The following SLC2A13 variants were observed in gnomAD, a reference collection of about 807,000 sequenced individuals.
SLC2A13 encodes solute carrier family 2 member 13.
A neutral mutation model predicts 64.4 loss-of-function variants in SLC2A13; 32 were observed. The observed-to-expected ratio is 0.50, with a 90% CI of 0.37 to 0.67. The LOEUF (loss-of-function observed/expected upper bound fraction) is 0.67. Ranked by LOEUF, SLC2A13 falls within the 30% of genes least tolerant of loss-of-function variation. The pLI is 0.00. For synonymous variants in SLC2A13, 338 were observed against 327.1 expected (o/e 1.03, Z -0.36); for missense variants, 743 against 829.2 (o/e 0.90, Z 1.28).
At chr12:39,997,945 T>C (rs1000424983) in intron 3 of SLC2A13, among the ~76,000 whole-genome samples, 1 of 152,170 alleles carries the variant, frequency 6.6e-6, no homozygotes, top group African/African-American at 2.4e-5. Flanking sequence ...GTACAACCAC[T>C]ATGGAAAGCC....
At chr12:39,837,920 G>A (rs1943064517) in intron 6 of SLC2A13, among the ~76,000 whole-genome samples, 1 of 151,018 alleles carries the variant, frequency 6.6e-6, no homozygotes, top group South Asian at 2.1e-4. Context: ...AACCATTGTG[G>A]AAGTCAGTGT....
At position 39,951,313 on chromosome 12, in the gene SLC2A13, T is replaced by C. The variant is rs773996285; in HGVS notation, c.978A>G (p.Leu326=). Residue 326 remains leucine (L), a synonymous_variant, in exon 4 of 10, where the codon TTA becomes TTG. Coordinates refer to ENST00000280871, the MANE Select transcript of SLC2A13 (RefSeq NM_052885.4). Reference sequence around the variant, plus strand: ...ACATTTGTAGGCCACAACCCACAATTAAAGCTCGGCGAGTTGGGGGATAAC... The same window carrying C: ...ACATTTGTAGGCCACAACCCACAATCAAAGCTCGGCGAGTTGGGGGATAAC... The part of the protein sequence containing the change: ...MLSYPPTRRA[L]IVGCGLQMFQ... 4 of 1,612,476 alleles carry C rather than the reference T, an allele frequency of 2.5e-6. No homozygotes were observed. The Admixed American group carries it at 6.7e-5, about 27-fold the overall frequency.
At chr12:40,077,113 C>T (rs1161124645) in intron 1 of SLC2A13, among the ~76,000 whole-genome samples, 2 of 152,108 alleles carry the variant, frequency 1.3e-5, no homozygotes, top group African/African-American at 4.8e-5. Flanking sequence ...TGTCTGTTTA[C>T]TCACACTAGT....
chr12:39,800,338 C>G (rs1026212786), intron 7 of SLC2A13, among the ~76,000 whole-genome samples: 1 of 152,080 alleles, frequency 6.6e-6, no homozygotes, highest in Admixed American at 6.6e-5. Context: ...GAATTCGCAA[C>G]CTACTCATCT....
rs1388687389 is a variant in SLC2A13, at chr12:40,105,863, C to T, written c.-55G>A. 2 of 1,336,104 alleles carry T rather than the reference C, an allele frequency of 1.5e-6. No homozygotes were observed. The highest frequency in any genetic ancestry group is 3.1e-5 in the African/African-American group (2 of 65,072). 82.8% of individuals were successfully genotyped at this position (1,336,104 alleles called of 1,614,324 possible). A position where few individuals can be genotyped will look rare whatever the true frequency, so the allele number is the denominator to read the frequency against. ...ACGCGGCTCCGCGGGCCGGCAGTCTCGGCGAGCTAGACAGCCCGAGCCGGC... is the reference window on the plus strand; with the variant it reads ...ACGCGGCTCCGCGGGCCGGCAGTCTTGGCGAGCTAGACAGCCCGAGCCGGC... On this transcript the variant is annotated 5_prime_UTR_variant, in exon 1 of 10. Coordinates refer to ENST00000280871, the MANE Select transcript of SLC2A13 (RefSeq NM_052885.4). The surrounding 1 kb of genome is among the most constrained non-coding windows in gnomAD (Gnocchi z 4.2).
At chr12:39,962,354 G>A (rs1246888691) in intron 3 of SLC2A13, among the ~76,000 whole-genome samples, 2 of 152,092 alleles carry the variant, frequency 1.3e-5, no homozygotes, top group Admixed American at 6.5e-5. Context: ...GCCTCCCAGT[G>A]TGCTGGGATT....
chr12:39,782,158 C>T (rs1302264409), intron 7 of SLC2A13, among the ~76,000 whole-genome samples: 1 of 152,122 alleles, frequency 6.6e-6, no homozygotes, highest in African/African-American at 2.4e-5. Context: ...GGAAGTCTTG[C>T]TATGCTTTTA....
intron 7 of SLC2A13, among the ~76,000 whole-genome samples, chr12:39,783,087 T>C (rs1941055658): frequency 6.6e-6 from 1 of 152,164 alleles, no homozygotes; most frequent in Non-Finnish European, 1.5e-5. Flanking sequence ...GTTCTCATCG[T>C]TCAAGTCCCA....
intron 3 of SLC2A13, among the ~76,000 whole-genome samples, chr12:39,953,891 G>A (rs1376830190): frequency 6.6e-6 from 1 of 152,166 alleles, no homozygotes; most frequent in Non-Finnish European, 1.5e-5. Flanking sequence ...GGATGAAAAA[G>A]AGTCCCACAA....
In SLC2A13 at chr12:39,831,812, C is replaced by T. The variant is rs73274638; in HGVS notation, c.1320-1584G>A. On this transcript the variant is annotated intron_variant, in intron 6 of 9. Transcript: ENST00000280871. ...TTTCACTATGTGAGGTGGCTGTTCCCCCTTAGCCTTCTACCATAAGCTTCC... is the reference window on the plus strand; with the variant it reads ...TTTCACTATGTGAGGTGGCTGTTCCTCCTTAGCCTTCTACCATAAGCTTCC... Among the ~76,000 whole-genome samples the T allele has an allele frequency of 6.6e-3, 1,005 of 152,168 alleles. 10 individuals are homozygous for T. Among genetic ancestry groups the T allele is most frequent in the African/African-American group, 0.023 (962 of 41,546 alleles).
intron 7 of SLC2A13, among the ~76,000 whole-genome samples, chr12:39,774,847 C>G (rs1330327452): frequency 6.6e-6 from 1 of 151,848 alleles, no homozygotes; most frequent in Non-Finnish European, 1.5e-5. Flanking sequence ...CTTATATACC[C>G]CAAGTATGCA....
chr12:40,069,210 C>A (rs540745311), intron 1 of SLC2A13, among the ~76,000 whole-genome samples: 18 of 152,018 alleles, frequency 1.2e-4, no homozygotes, highest in Non-Finnish European at 2.1e-4. Context: ...GATAAAAATA[C>A]AATGTATCTA....
intron 7 of SLC2A13, among the ~76,000 whole-genome samples, chr12:39,799,254 CTTTTTT>C (rs377069679): frequency 0.73 from 82,888 of 113,228 alleles, 30,330 homozygotes; most frequent in Non-Finnish European, 0.79. Flanking sequence ...TATGCTTAGC[CTTTTTT>C]TTTTTTTTTT....
chr12:39,773,894 T>C (rs750830027), intron 7 of SLC2A13, among the ~76,000 whole-genome samples: 19 of 152,188 alleles, frequency 1.2e-4, no homozygotes, highest in Non-Finnish European at 2.5e-4. Flanking sequence ...GTGTGACACA[T>C]CTACCATCGT....
chr12:39,843,188 T>G (rs948705650), intron 6 of SLC2A13, among the ~76,000 whole-genome samples: 3 of 152,080 alleles, frequency 2.0e-5, no homozygotes, highest in Admixed American at 6.6e-5. Flanking sequence ...TATATTAACT[T>G]TCTGAAAAAC....
At chr12:39,885,006 A>T (rs1415386547) in intron 4 of SLC2A13, among the ~76,000 whole-genome samples, 4 of 152,230 alleles carry the variant, frequency 2.6e-5, no homozygotes, top group Non-Finnish European at 5.9e-5. Flanking sequence ...AGTGGCAGAG[A>T]CAGGTATTAT....
chr12:39,979,004 G>C (rs1159787350), intron 3 of SLC2A13, among the ~76,000 whole-genome samples: 3 of 150,408 alleles, frequency 2.0e-5, no homozygotes, highest in Non-Finnish European at 4.4e-5. Flanking sequence ...TCCTCAAGTG[G>C]GTCCCTGACC....
intron 3 of SLC2A13, among the ~76,000 whole-genome samples, chr12:40,014,693 T>C (rs1186476075): frequency 2.0e-5 from 3 of 152,084 alleles, no homozygotes; most frequent in African/African-American, 4.8e-5. Flanking sequence ...GGGGTTTCTT[T>C]ATGTTGGTCA....
At chr12:40,068,048 G>C (rs1395199747) in intron 1 of SLC2A13, among the ~76,000 whole-genome samples, 3 of 151,958 alleles carry the variant, frequency 2.0e-5, no homozygotes, top group African/African-American at 4.8e-5. Context: ...GGGCAACGGG[G>C]AACCACTACC....
Sources: allele counts gnomAD v4.1 joint callset (sites outside exome capture counted in the v4.1 genomes callset), GRCh38; gene constraint gnomAD v4.1.1; non-coding constraint Gnocchi (gnomAD v3.1); transcripts MANE v1.5; gene names NCBI Gene and HGNC (gene_info 2026-07-23, HGNC 2026-07-21).